The following COL18A1 variants were observed in gnomAD, a reference collection of about 807,000 sequenced individuals.
The protein encoded by COL18A1 is collagen alpha-1(XVIII) chain.
In COL18A1, 133 loss-of-function variants were observed where a neutral mutation model predicts 168.0. The ratio of observed to expected loss-of-function variants is 0.79; its 90% CI spans 0.69 to 0.91. The LOEUF (loss-of-function observed/expected upper bound fraction) is 0.91, where lower values mean the gene tolerates loss of function less well. COL18A1 is among the 40% of genes least tolerant of loss of function. The probability of loss-of-function intolerance (pLI) is 0.00; values close to 1 mark genes in which losing one functional copy is unlikely to be tolerated. For missense variants in COL18A1, 2,126 were observed against 1,925.4 expected (o/e 1.10, Z -1.95); for synonymous variants, 949 against 809.0 (o/e 1.17, Z -2.94).
chr21:45,511,584 G>T (rs1365838107), intron 41 of COL18A1, among the ~76,000 whole-genome samples: 1 of 152,162 alleles, frequency 6.6e-6, no homozygotes, highest in Non-Finnish European at 1.5e-5. Flanking sequence ...GCAACACGGA[G>T]TCCGAGCATG....
rs1225772258 is a variant in COL18A1, at chr21:45,457,655, C to T, written c.107-10587C>T. 6.6e-6 allele frequency among the ~76,000 whole-genome samples: 1 copy of T among 152,208 alleles called. No homozygotes were observed. Among genetic ancestry groups the T allele is most frequent in the Non-Finnish European group, 1.5e-5 (1 of 68,038 alleles). On this transcript the variant is annotated intron_variant, in intron 2 of 41. Transcript: ENST00000651438. This position sits in a 1 kb window ranked among gnomAD's most constrained non-coding sequence, Gnocchi z 4.6. Reference sequence around the variant, plus strand: ...CCTCTGTGTCCGGGAGTAGACGGGGCCCCTGAGCTGTGCCTGCCCCATTCA... The same window carrying T: ...CCTCTGTGTCCGGGAGTAGACGGGGTCCCTGAGCTGTGCCTGCCCCATTCA...
chr21:45,496,467 C>A, intron 29 of COL18A1, 33 bp from the exon 30 acceptor site: 1 of 976,598 alleles, frequency 1.0e-6, no homozygotes, highest in Non-Finnish European at 1.7e-6. Flanking sequence ...ACAGGCAGGC[C>A]ATAAGCCTAA....
intron 33 of COL18A1, 21 bp downstream of exon 33, chr21:45,504,075 G>A: frequency 3.1e-6 from 5 of 1,613,348 alleles, no homozygotes; most frequent in South Asian, 2.2e-5. Flanking sequence ...TCCCTGTGGG[G>A]TTGGGGGCCC....
At position 45,468,423 on chromosome 21, in the gene COL18A1, C is replaced by T. The variant is rs149578781; in HGVS notation, c.288C>T (p.Phe96=). Residue 96 remains phenylalanine (F), a synonymous_variant, in exon 3 of 42, where the codon TTC becomes TTT. Coordinates refer to ENST00000651438, the MANE Select transcript of COL18A1 (RefSeq NM_001379500.1). ...SLFFRDFSLL[F]HIRPATEGPG... ...TCTTCCGTGACTTCTCACTGCTGTT[C>T]CACATCCGGCCAGCCACAGAGGGCC... 57 of 1,614,054 alleles carry T rather than the reference C, an allele frequency of 3.5e-5. No homozygotes were observed. The Middle Eastern group carries it at 8.2e-4, about 23-fold the overall frequency.
chr21:45,491,131 G>T, intron 21 of COL18A1, 94 bp from the exon 22 acceptor site: 1 of 1,156,428 alleles, frequency 8.6e-7, no homozygotes, highest in East Asian at 2.4e-5. Flanking sequence ...CACCCACCGT[G>T]GGCTCTGGGC....
chr21:45,452,788 A>G lies in COL18A1; in HGVS notation c.107-15454A>G, dbSNP rs56118312. Among the ~76,000 whole-genome samples the G allele has an allele frequency of 5.5e-3, 821 of 148,830 alleles. 12 individuals are homozygous for G. Among genetic ancestry groups the G allele is most frequent in the African/African-American group, 0.02 (793 of 39,742 alleles). Reference sequence around the variant, plus strand: ...TGTGAGTATTCACTGACGTGTGAGCATGCATGTACATATGTGATTGTGTAT... The same window carrying G: ...TGTGAGTATTCACTGACGTGTGAGCGTGCATGTACATATGTGATTGTGTAT... On this transcript the variant is annotated intron_variant, in intron 2 of 41. Transcript: ENST00000651438.
chr21:45,477,452 G>C lies in COL18A1; in HGVS notation c.970G>C (p.Gly324Arg). 1 of 1,612,828 alleles carries C rather than the reference G, an allele frequency of 6.2e-7. No individual in the cohort carries two copies. The highest frequency in any genetic ancestry group is 8.5e-7 in the Non-Finnish European group (1 of 1,179,514). Residue 324 changes from glycine to arginine, a missense_variant, in exon 7 of 42, where the codon GGG becomes CGG. Transcript: ENST00000651438. ...CTCAGATTCTGTCTCCACGTGGGAC[G>C]GGAGTGTCCGGACCCCTGGGGGCCG... ...PGSDSVSTWD[G>R]SVRTPGGRVK...
At chr21:45,509,298 G>A (rs1300865278) in intron 38 of COL18A1, 58 bp from the exon 39 acceptor site, 57 of 1,533,816 alleles carry the variant, frequency 3.7e-5, no homozygotes, top group Non-Finnish European at 4.8e-5. Flanking sequence ...GGACACAGAT[G>A]GAGGAGGGGC....
rs1166467280 is a variant in COL18A1 at position 45,505,290 on chromosome 21, G to A, written c.3013+12G>A. 6.2e-7 allele frequency: 1 copy of A among 1,607,370 alleles called. No individual in the cohort carries two copies. On this transcript the variant is annotated intron_variant, in intron 35 of 41. Transcript: ENST00000651438. ...CCCTCACAGGCAGAGTAAGTCAGTG[G>A]GGAGTGGGCCCCGGGCAGAGGCCGC...
chr21:45,469,190 T>C (rs77392370), intron 3 of COL18A1, among the ~76,000 whole-genome samples: 4,484 of 152,192 alleles, frequency 0.029, 238 homozygotes, highest in African/African-American at 0.1. Context: ...TGCCAAGCCC[T>C]GTGGTGAAGT....
Position 45,477,868 on chromosome 21 carries a change from T to C in COL18A1, c.1124T>C (p.Leu375Pro). Residue 375 changes from leucine (L) to proline (P), a missense_variant, in exon 8 of 42, where the codon CTG becomes CCG. By Grantham distance (98) the Leu-to-Pro change is moderately conservative. Transcript: ENST00000651438. The part of the protein sequence containing the change: ...PPGLPCPVSP[L>P]GPAGPALQTV... ...GGTCTCCCGTGCCCAGTGAGTCCCC[T>C]GGGTCCTGCAGGCCCAGCGTTGCAA... 1.3e-6 allele frequency: 2 copies of C among 1,555,824 alleles called. No homozygotes were observed. The highest frequency in any genetic ancestry group is 1.7e-6 in the Non-Finnish European group (2 of 1,149,564).
chr21:45,495,630 A>C, intron 29 of COL18A1, 198 bp downstream of exon 29: 2 of 592,856 alleles, frequency 3.4e-6, no homozygotes, highest in Non-Finnish European at 6.3e-6. Context: ...CCAAACATGC[A>C]TGCACATATA....
chr21:45,449,910 G>T (rs1022493168), intron 2 of COL18A1, among the ~76,000 whole-genome samples: 1 of 152,226 alleles, frequency 6.6e-6, no homozygotes, highest in Non-Finnish European at 1.5e-5. Flanking sequence ...TATCATCGTG[G>T]TTTGAAAAAG....
Position 45,405,432 on chromosome 21 carries a change from T to C in COL18A1, c.65T>C (p.Leu22Pro). 7.3e-7 allele frequency: 1 copy of C among 1,373,540 alleles called. No homozygotes were observed. The highest frequency in any genetic ancestry group is 9.5e-7 in the Non-Finnish European group (1 of 1,055,568). 85.1% of individuals were successfully genotyped at this position (1,373,540 alleles called of 1,614,324 possible). A position where few individuals can be genotyped will look rare whatever the true frequency, so the allele number is the denominator to read the frequency against. Residue 22 changes from leucine (L) to proline (P), a missense_variant, in exon 2 of 42, where the codon CTG (leucine) becomes CCG (proline). By Grantham distance (98) the Leu-to-Pro change is moderately conservative. Transcript: ENST00000651438. Reference sequence around the variant, plus strand: ...CGCCTCCTGGACGTGCTCGCGCCCCTGGTCCTGCTGCTCGGGGTCCGCGCG... The same window carrying C: ...CGCCTCCTGGACGTGCTCGCGCCCCCGGTCCTGCTGCTCGGGGTCCGCGCG... ...RRRLLDVLAP[L>P]VLLLGVRAAS... is the part of the protein sequence containing the mutation.
At chr21:45,444,104 C>T (rs889253745) in intron 2 of COL18A1, among the ~76,000 whole-genome samples, 1 of 152,236 alleles carries the variant, frequency 6.6e-6, no homozygotes, top group African/African-American at 2.4e-5. Context: ...CCCCGTTGCA[C>T]ATCCTGGCCT....
At chr21:45,427,085 T>G (rs1416547504) in intron 2 of COL18A1, among the ~76,000 whole-genome samples, 4 of 152,214 alleles carry the variant, frequency 2.6e-5, no homozygotes, top group African/African-American at 4.8e-5. Context: ...TGCTTTCTGC[T>G]GCAGTTTAAA....
intron 38 of COL18A1, among the ~76,000 whole-genome samples, chr21:45,509,048 C>A (rs986604835): frequency 6.6e-6 from 1 of 152,110 alleles, no homozygotes; most frequent in African/African-American, 2.4e-5. Context: ...GTCAGGGGCC[C>A]TGAATTGGAG....
chr21:45,493,239 G>T lies in COL18A1; in HGVS notation c.2277+14G>T, dbSNP rs145217573. On this transcript the variant is annotated intron_variant, in intron 25 of 41. Coordinates refer to ENST00000651438, the MANE Select transcript of COL18A1 (RefSeq NM_001379500.1). ...CCGGGACCCAAGGTAAGGGGCTCAG[G>T]TGCTGTCCCTCAACCCCCTTTGTGA... The T allele has an allele frequency of 0.033, 51,454 of 1,553,476 alleles. 1,006 individuals are homozygous for T. The highest frequency in any genetic ancestry group is 0.04 in the Middle Eastern group (238 of 5,986).
intron 5 of COL18A1, among the ~76,000 whole-genome samples, chr21:45,475,973 C>T (rs907598571): frequency 1.2e-4 from 19 of 152,180 alleles, no homozygotes; most frequent in South Asian, 4.1e-4. Flanking sequence ...ACAGGAGGGG[C>T]GGGGAGTGGG....
Sources: gnomAD v4.1 joint callset for allele counts (sites outside exome capture counted in the v4.1 genomes callset) on GRCh38, gnomAD v4.1.1 for gene constraint, Gnocchi (gnomAD v3.1) non-coding constraint, MANE v1.5 for transcripts, NCBI Gene and HGNC (gene_info 2026-07-23, HGNC 2026-07-21) for gene names.